HHAT: variants seen among roughly 807,000 people sequenced by gnomAD.
HHAT encodes hedgehog acyltransferase, also known as protein-cysteine N-palmitoyltransferase HHAT.
Under a neutral mutation model 70.8 loss-of-function variants are expected in HHAT, and 47 were observed. The ratio of observed to expected loss-of-function variants is 0.66; its 90% confidence interval spans 0.53 to 0.85. HHAT has a LOEUF of 0.85. Ranked by LOEUF, HHAT falls within the 40% of genes least tolerant of loss-of-function variation. The pLI is 0.00. For missense variants in HHAT, 609 were observed against 604.8 expected (o/e 1.01, Z -0.07); for synonymous variants, 228 against 247.6 (o/e 0.92, Z 0.74).
intron 8 of HHAT, among the ~76,000 whole-genome samples, chr1:210,502,024 CTTT>C (rs76785301): frequency 0.21 from 30,057 of 146,532 alleles, 3,769 homozygotes; most frequent in Non-Finnish European, 0.29. Flanking sequence ...TATTCTTCTT[CTTT>C]TTTTTTTTTT....
In HHAT at chr1:210,453,212, C is replaced by G. The variant is rs151292448; in HGVS notation, c.857-11293C>G. On this transcript the variant is annotated intron_variant, in intron 7 of 11. Transcript: ENST00000261458. ...TAGCATAAGATTCCTTTCTTTTTCCCCTCTTTTGAGGCATTAAACATTCTA... is the reference window on the plus strand; with the variant it reads ...TAGCATAAGATTCCTTTCTTTTTCCGCTCTTTTGAGGCATTAAACATTCTA... Among the ~76,000 whole-genome samples, 201 of 152,162 alleles carry G rather than the reference C, an allele frequency of 1.3e-3. 1 individual carries two copies. The highest frequency in any genetic ancestry group is 4.8e-3 in the African/African-American group (199 of 41,528).
At chr1:210,539,711 G>T (rs2095409308) in intron 9 of HHAT, among the ~76,000 whole-genome samples, 1 of 152,188 alleles carries the variant, frequency 6.6e-6, no homozygotes, top group Non-Finnish European at 1.5e-5. Context: ...CGAGGAGGCA[G>T]GGATGCTGAG....
At chr1:210,591,633 A>G (rs1661726040) in intron 10 of HHAT, among the ~76,000 whole-genome samples, 2 of 152,254 alleles carry the variant, frequency 1.3e-5, no homozygotes, top group South Asian at 2.1e-4. Flanking sequence ...ACTGTTTTCC[A>G]TACCGTGGTC....
intron 1 of HHAT, among the ~76,000 whole-genome samples, chr1:210,337,862 T>G (rs2085646308): frequency 6.6e-6 from 1 of 152,246 alleles, no homozygotes. Flanking sequence ...CTATTTTGTC[T>G]TCACAAAGAG....
At chr1:210,498,343 T>C (rs1252349516) in intron 8 of HHAT, among the ~76,000 whole-genome samples, 2 of 152,228 alleles carry the variant, frequency 1.3e-5, no homozygotes, top group East Asian at 3.8e-4. Flanking sequence ...AACAGTATGA[T>C]TCTTATTTCT....
chr1:210,588,364 C>T (rs1660946995), intron 10 of HHAT: 2 of 370,954 alleles, frequency 5.4e-6, no homozygotes, highest in East Asian at 4.7e-5. Context: ...AGAAAATAAC[C>T]TCTCAACAGA....
In HHAT at chr1:210,404,591, A is replaced by C. The variant is rs747455697; in HGVS notation, c.596A>C (p.Tyr199Ser). 1 of 1,612,798 alleles carries C rather than the reference A, an allele frequency of 6.2e-7. No individual in the cohort carries two copies. Among genetic ancestry groups the C allele is most frequent in the East Asian group, 2.2e-5 (1 of 44,802 alleles). ...CAGCTGCCTGCTGCATCGACCTCCT[A>C]CTCCTTTCCCTGGATGCTGGCCTAT... ...WQQLPAASTS[Y>S]SFPWMLAYVF... The change falls in exon 6 of 12, where the codon TAC becomes TCC. Residue 199 changes from tyrosine to serine, a missense_variant. Transcript: ENST00000261458.
chr1:210,503,162 G>A (rs1301174546), intron 8 of HHAT, among the ~76,000 whole-genome samples: 1 of 152,172 alleles, frequency 6.6e-6, no homozygotes, highest in Non-Finnish European at 1.5e-5. Context: ...GTTTCGCCAT[G>A]TTGGCCAGGC....
chr1:210,556,105 C>A (rs1282041565), intron 9 of HHAT, among the ~76,000 whole-genome samples: 2 of 151,968 alleles, frequency 1.3e-5, no homozygotes, highest in Admixed American at 6.6e-5. Flanking sequence ...ACTCTCATTT[C>A]TTTTCTTTTC....
chr1:210,339,103 A>G (rs923243299), intron 1 of HHAT, among the ~76,000 whole-genome samples: 8 of 152,200 alleles, frequency 5.3e-5, no homozygotes, highest in Non-Finnish European at 1.2e-4. Context: ...CTGCCTTGTA[A>G]TGTTACTGGA....
At chr1:210,514,737 C>A (rs979100011) in intron 9 of HHAT, among the ~76,000 whole-genome samples, 5 of 152,142 alleles carry the variant, frequency 3.3e-5, no homozygotes, top group Non-Finnish European at 5.9e-5. Context: ...TGAGAAAAAG[C>A]TGTACAGTCA....
intron 10 of HHAT, among the ~76,000 whole-genome samples, chr1:210,616,039 C>T (rs200574538): frequency 5.3e-5 from 8 of 152,170 alleles, no homozygotes; most frequent in Admixed American, 2.6e-4. Flanking sequence ...TGTTCCTATT[C>T]GGCCATCTTG....
At chr1:210,426,852 T>C (rs552762872) in intron 7 of HHAT, among the ~76,000 whole-genome samples, 1 of 152,306 alleles carries the variant, frequency 6.6e-6, no homozygotes, top group South Asian at 2.1e-4. Flanking sequence ...GCTGGCCTCA[T>C]AGAATGAATT....
chr1:210,530,290 G>T lies in HHAT; in HGVS notation c.1043+17102G>T, dbSNP rs115373202. ...TTGAAATGTCATGTTGAATTCCTAGGAAATACATATTCTAGTAAATACATA... is the reference window on the plus strand; with the variant it reads ...TTGAAATGTCATGTTGAATTCCTAGTAAATACATATTCTAGTAAATACATA... On this transcript the variant is annotated intron_variant, in intron 9 of 11. Transcript: ENST00000261458. Among the ~76,000 whole-genome samples, 301 of 152,190 alleles carry T rather than the reference G, an allele frequency of 2.0e-3. 1 individual carries two copies. Among genetic ancestry groups the T allele is most frequent in the African/African-American group, 7.0e-3 (289 of 41,504 alleles).
At chr1:210,393,352 T>C (rs1052307113) in intron 4 of HHAT, among the ~76,000 whole-genome samples, 4 of 152,200 alleles carry the variant, frequency 2.6e-5, no homozygotes, top group Non-Finnish European at 4.4e-5. Flanking sequence ...TCCATACCAA[T>C]GTTCCCATAC....
chr1:210,415,464 C>G (rs745896734), intron 6 of HHAT, among the ~76,000 whole-genome samples: 5 of 152,168 alleles, frequency 3.3e-5, no homozygotes, highest in Admixed American at 2.0e-4. Context: ...CAATACAAGT[C>G]TGCAAATATC....
intron 9 of HHAT, among the ~76,000 whole-genome samples, chr1:210,530,174 A>T (rs2148631238): frequency 6.6e-6 from 1 of 152,292 alleles, no homozygotes; most frequent in African/African-American, 2.4e-5. Flanking sequence ...TTATGGGAAA[A>T]ATAGAGTTGA....
At chr1:210,495,184 G>A (rs1228888329) in intron 8 of HHAT, among the ~76,000 whole-genome samples, 2 of 151,674 alleles carry the variant, frequency 1.3e-5, no homozygotes, top group Non-Finnish European at 2.9e-5. Context: ...GGATATCTAT[G>A]TAATAGATTA....
chr1:210,381,660 A>G (rs2090646500), intron 3 of HHAT, among the ~76,000 whole-genome samples: 1 of 152,194 alleles, frequency 6.6e-6, no homozygotes, highest in Admixed American at 6.5e-5. Flanking sequence ...AGCTGATAGC[A>G]AACTATCTGC....
Sources: allele counts gnomAD v4.1 joint callset (sites outside exome capture counted in the v4.1 genomes callset), GRCh38; gene constraint gnomAD v4.1.1; transcripts MANE v1.5; gene names NCBI Gene and HGNC (gene_info 2026-07-23, HGNC 2026-07-21).